Variants in MYZAP observed in about 807,000 individuals in gnomAD.
The protein encoded by MYZAP is myocardial zonula adherens protein.
Under a neutral mutation model 69.4 loss-of-function variants are expected in MYZAP, and 66 were observed. That is an observed-to-expected ratio of 0.95 (90% CI 0.78 to 1.17). The LOEUF (loss-of-function observed/expected upper bound fraction) is 1.17, where lower values mean the gene tolerates loss of function less well. Among genes scored for constraint, MYZAP ranks in the 50% most tolerant of loss-of-function variants. MYZAP has a pLI of 0.00. For missense variants in MYZAP, 611 were observed against 556.2 expected, an observed-to-expected ratio of 1.10 and a Z score of -0.99; for synonymous variants, 256 against 205.9, an observed-to-expected ratio of 1.24 and a Z score of -2.09.
At chr15:57,605,784 C>T (rs768181480) in intron 2 of MYZAP, among the ~76,000 whole-genome samples, 29 of 152,080 alleles carry the variant, frequency 1.9e-4, no homozygotes, top group Non-Finnish European at 4.1e-4. Context: ...GGATATGGGA[C>T]CTCTGGAAAA....
intron 3 of MYZAP, among the ~76,000 whole-genome samples, chr15:57,619,743 C>A (rs962733373): frequency 4.6e-5 from 7 of 152,038 alleles, no homozygotes; most frequent in Non-Finnish European, 8.8e-5. Flanking sequence ...GTATTTTTTT[C>A]TCAAGGAAAT....
At chr15:57,647,319 A>G (rs1316118727) in intron 10 of MYZAP, 12 of 985,290 alleles carry the variant, frequency 1.2e-5, no homozygotes, top group African/African-American at 1.7e-5. Context: ...GATGCTGGGT[A>G]TTCAGACTTC....
chr15:57,619,089 T>C (rs2035652792), intron 3 of MYZAP, among the ~76,000 whole-genome samples: 1 of 152,244 alleles, frequency 6.6e-6, no homozygotes. Flanking sequence ...TTGGCTGGGC[T>C]TTGATACCTA....
At chr15:57,611,292 C>T (rs113198088) in intron 2 of MYZAP, among the ~76,000 whole-genome samples, 71 of 152,254 alleles carry the variant, frequency 4.7e-4, no homozygotes, top group African/African-American at 1.7e-3. Context: ...AGGTCTGTGA[C>T]GGGCCATGTT....
chr15:57,634,598 T>TC (rs1283075161), intron 8 of MYZAP, among the ~76,000 whole-genome samples: 2 of 151,854 alleles, frequency 1.3e-5, no homozygotes, highest in African/African-American at 4.8e-5. Context: ...TGAGAAGAGG[T>TC]CGCCTTAGCT....
chr15:57,594,552 A>G (rs1272830106), intron 1 of MYZAP, among the ~76,000 whole-genome samples: 1 of 152,176 alleles, frequency 6.6e-6, no homozygotes, highest in Non-Finnish European at 1.5e-5. Flanking sequence ...GCATAACCAC[A>G]TTTTGGTCAA....
At chr15:57,645,387 C>A (rs1240617965) in intron 10 of MYZAP, among the ~76,000 whole-genome samples, 1 of 152,178 alleles carries the variant, frequency 6.6e-6, no homozygotes, top group Non-Finnish European at 1.5e-5. Flanking sequence ...TTACTAGTCC[C>A]TAAATCCACA....
chr15:57,613,306 T>A (rs958568030), intron 2 of MYZAP, among the ~76,000 whole-genome samples: 104 of 152,214 alleles, frequency 6.8e-4, no homozygotes, highest in Non-Finnish European at 1.2e-3. Flanking sequence ...GTACATTTTT[T>A]AAAATTTGTT....
At position 57,633,639 on chromosome 15, in the gene MYZAP, G is replaced by T. The variant is rs760392279; in HGVS notation, c.831G>T (p.Ala277=). ...AAGAAACCAATAGTTTTCTGAAAGC[G>T]ATTGAAGAAGCCAATAAAAAGATGC... ...LLEETNSFLK[A]IEEANKKMQA... The change falls in exon 8 of 13, where the codon GCG becomes GCT. Residue 277 remains alanine, a synonymous_variant. Transcript: ENST00000267853. 3 of 1,613,118 alleles carry T rather than the reference G, an allele frequency of 1.9e-6. No homozygotes were observed. Among genetic ancestry groups the T allele is most frequent in the East Asian group, 2.2e-5 (1 of 44,836 alleles).
intron 11 of MYZAP, among the ~76,000 whole-genome samples, chr15:57,668,894 A>ATATTTTTTTTTTT (rs1252525814): frequency 4.8e-5 from 3 of 62,604 alleles, no homozygotes; most frequent in African/African-American, 1.2e-4. Context: ...ATATATATAT[A>ATATTTTTTTTTTT]TTTTTTTTTT....
chr15:57,671,514 A>G (rs2414517), intron 11 of MYZAP, among the ~76,000 whole-genome samples: 112,236 of 151,938 alleles, frequency 0.74, 43,880 homozygotes, highest in East Asian at 0.92. Flanking sequence ...TGACTAAAAA[A>G]CCCGTATGTT....
intron 6 of MYZAP, among the ~76,000 whole-genome samples, chr15:57,631,366 G>T (rs2036494982): frequency 6.6e-6 from 1 of 151,538 alleles, no homozygotes; most frequent in East Asian, 2.0e-4. Flanking sequence ...TTTAACTCCA[G>T]CCCACAGTTG....
intron 10 of MYZAP, 123 bp from the exon 11 acceptor site, chr15:57,661,327 T>A: frequency 5.1e-6 from 4 of 777,830 alleles, no homozygotes; most frequent in Non-Finnish European, 6.2e-6. Context: ...CCACTGGAAA[T>A]GAGGAAAAAT....
intron 3 of MYZAP, among the ~76,000 whole-genome samples, chr15:57,619,087 G>A (rs927943724): frequency 6.6e-6 from 1 of 152,186 alleles, no homozygotes; most frequent in Non-Finnish European, 1.5e-5. Flanking sequence ...GGTTGGCTGG[G>A]CTTTGATACC....
intron 5 of MYZAP, 53 bp from the exon 6 acceptor site, chr15:57,629,649 C>A: frequency 6.3e-7 from 1 of 1,588,606 alleles, no homozygotes; most frequent in Middle Eastern, 1.7e-4. Flanking sequence ...TGGTGCAGCC[C>A]ATGTGTTTTC....
intron 12 of MYZAP, among the ~76,000 whole-genome samples, chr15:57,682,904 G>T (rs74017912): frequency 0.025 from 3,768 of 152,214 alleles, 170 homozygotes; most frequent in African/African-American, 0.087. Flanking sequence ...TTCTCTGTGT[G>T]AATTTCTAGA....
chr15:57,593,998 A>G (rs2033893429), intron 1 of MYZAP, among the ~76,000 whole-genome samples: 1 of 152,202 alleles, frequency 6.6e-6, no homozygotes, highest in African/African-American at 2.4e-5. Context: ...AGAGGCAGAC[A>G]TTTTCCCAAA....
In MYZAP at chr15:57,673,808, A is replaced by T. The variant is rs548061363; in HGVS notation, c.1204-1160A>T. 2.6e-5 allele frequency among the ~76,000 whole-genome samples: 4 copies of T among 152,298 alleles called. No individual in the cohort carries two copies. In the South Asian group the frequency reaches 8.3e-4, roughly 32 times the overall value. ...AACAAATGAGCTTCTGTCTCCATAG[A>T]ACTTTTAAACTTTCTTGTGTTACCT... On this transcript the variant is annotated intron_variant, in intron 11 of 12. Coordinates refer to ENST00000267853, the MANE Select transcript of MYZAP (RefSeq NM_001018100.5).
intron 1 of MYZAP, among the ~76,000 whole-genome samples, chr15:57,597,543 C>T (rs758708722): frequency 4.6e-5 from 7 of 152,122 alleles, no homozygotes; most frequent in Non-Finnish European, 7.4e-5. Context: ...GGGGAGTCCT[C>T]GCACTCCAAG....
Sources: allele counts gnomAD v4.1 joint callset (sites outside exome capture counted in the v4.1 genomes callset), GRCh38; gene constraint gnomAD v4.1.1; transcripts MANE v1.5; gene names NCBI Gene and HGNC (gene_info 2026-07-23, HGNC 2026-07-21).